The following MLC1 variants were observed in gnomAD, a reference collection of about 807,000 sequenced individuals.
The protein encoded by MLC1 is modulator of VRAC current 1, also known as membrane protein MLC1.
In MLC1, 32 loss-of-function variants were observed where a neutral mutation model predicts 44.7. That is an observed-to-expected ratio of 0.72 (90% CI 0.54 to 0.96). The LOEUF (loss-of-function observed/expected upper bound fraction) is 0.96, where lower values mean the gene tolerates loss of function less well. Among genes scored for constraint, MLC1 ranks in the 40% least tolerant of loss-of-function variants. MLC1 has a pLI of 0.00. For synonymous variants in MLC1, 190 were observed against 213.0 expected (o/e 0.89, Z 0.94); for missense variants, 459 against 492.2 (o/e 0.93, Z 0.64).
chr22:50,076,032 T>C (rs9617145), intron 7 of MLC1, among the ~76,000 whole-genome samples: 21,796 of 151,962 alleles, frequency 0.14, 1,736 homozygotes, highest in Admixed American at 0.21. Context: ...ACGGAGCCTC[T>C]GCCAATTCAA....
chr22:50,081,013 G>GAAAGAAAGAAAGAAAGAAAGAA (rs1569250786), intron 3 of MLC1, among the ~76,000 whole-genome samples: 11 of 119,592 alleles, frequency 9.2e-5, no homozygotes, highest in South Asian at 2.9e-4. Flanking sequence ...CTCAAAAAAA[G>GAAAGAAAGAAAGAAAGAAAGAA]AAAGAAAGAA....
At chr22:50,066,906 GC>G (rs143988681) in intron 10 of MLC1, among the ~76,000 whole-genome samples, 14,440 of 152,080 alleles carry the variant, frequency 0.095, 893 homozygotes, top group East Asian at 0.32. Context: ...ACAACCAGAG[GC>G]CATTAAACTT....
intron 9 of MLC1, among the ~76,000 whole-genome samples, chr22:50,069,509 G>C (rs1314494037): frequency 6.6e-6 from 1 of 151,930 alleles, no homozygotes; most frequent in Non-Finnish European, 1.5e-5. Flanking sequence ...AAGCGGGTGT[G>C]GTGGCGCATG....
intron 11 of MLC1, among the ~76,000 whole-genome samples, chr22:50,062,391 T>C (rs2061590530): frequency 6.6e-6 from 1 of 152,068 alleles, no homozygotes; most frequent in African/African-American, 2.4e-5. Flanking sequence ...TGCGTCTGAC[T>C]CTGGGCCTTG....
At chr22:50,080,291 GTCA>G (rs1194501021) in intron 4 of MLC1, 50 bp downstream of exon 4, 12 of 1,555,644 alleles carry the variant, frequency 7.7e-6, no homozygotes, top group East Asian at 4.7e-5. Context: ...CACACTGTCT[GTCA>G]GCCCCTCCGG....
At position 50,061,308 on chromosome 22, in the gene MLC1, C is replaced by T; in HGVS notation, c.*275G>A. 1.9e-6 allele frequency: 1 copy of T among 518,518 alleles called. No homozygotes were observed. Among genetic ancestry groups the T allele is most frequent in the Non-Finnish European group, 3.5e-6 (1 of 285,350 alleles). 32.1% of individuals were successfully genotyped at this position (518,518 alleles called of 1,614,324 possible). On this transcript the variant is annotated 3_prime_UTR_variant, in exon 12 of 12. Transcript: ENST00000311597. ...GGCTCTCAAGAGGCCGAGCCGGGGG[C>T]CCTTCCTCGGCCTGGGAAGTTGCGG...
chr22:50,061,476 C>A lies in MLC1; in HGVS notation c.*107G>T. ...ACCTGCAGCCTGGTTTGCCCTCACA[C>A]AAGGGAAAAGAGGTGTTAGAAGCAG... On this transcript the variant is annotated 3_prime_UTR_variant, in exon 12 of 12. Coordinates refer to ENST00000311597, the MANE Select transcript of MLC1 (RefSeq NM_015166.4). 7.9e-7 allele frequency: 1 copy of A among 1,258,884 alleles called. No individual in the cohort carries two copies. Among genetic ancestry groups the A allele is most frequent in the East Asian group, 2.3e-5 (1 of 43,224 alleles). 78.0% of individuals were successfully genotyped at this position (1,258,884 alleles called of 1,614,324 possible).
intron 8 of MLC1, among the ~76,000 whole-genome samples, chr22:50,072,492 G>A (rs2146844864): frequency 6.6e-6 from 1 of 152,296 alleles, no homozygotes; most frequent in Non-Finnish European, 1.5e-5. Context: ...GTGGATTTAG[G>A]GGCGCCCAGG....
At position 50,064,047 on chromosome 22, in the gene MLC1, C is replaced by T. The variant is rs773991414; in HGVS notation, c.1046G>A (p.Arg349His). 14 of 1,585,352 alleles carry T rather than the reference C, an allele frequency of 8.8e-6. No homozygotes were observed. The South Asian group carries it at 1.1e-4, about 13-fold the overall frequency. ...CAGGCCACTCACCTCCCCAGCCAGG[C>T]GCTCCTGCGGGCCGTTCTGGGTGTC... The part of the protein sequence containing the change: ...SWDTQNGPQE[R>H]LAGEVARSPL... The change falls in exon 11 of 12, where the codon CGC becomes CAC. Residue 349 changes from arginine (R) to histidine (H), a missense_variant. Coordinates refer to ENST00000311597, the MANE Select transcript of MLC1 (RefSeq NM_015166.4).
intron 8 of MLC1, 149 bp downstream of exon 8, chr22:50,074,066 TC>T: frequency 3.0e-6 from 2 of 671,646 alleles, no homozygotes; most frequent in Non-Finnish European, 5.5e-6. Flanking sequence ...AATCCTTAAC[TC>T]CCCAGTTCTT....
At chr22:50,082,960 C>T (rs1449424150) in intron 3 of MLC1, 124 bp downstream of exon 3, 11 of 986,376 alleles carry the variant, frequency 1.1e-5, no homozygotes, top group African/African-American at 6.4e-5. Context: ...CCACTGTGCC[C>T]GGCCCATATG....
chr22:50,077,445 T>C lies in MLC1; in HGVS notation c.481A>G (p.Ile161Val), dbSNP rs747995126. The C allele has an allele frequency of 6.2e-7, 1 of 1,613,884 alleles. No homozygotes were observed. Among genetic ancestry groups the C allele is most frequent in the Non-Finnish European group, 8.5e-7 (1 of 1,180,020 alleles). Residue 161 changes from isoleucine to valine, a missense_variant, in exon 6 of 12, where the codon ATC becomes GTC. Transcript: ENST00000311597. ...LLELLMAATVIIAARSSEEDC... is the reference protein window; with the variant it reads ...LLELLMAATVVIAARSSEEDC... Reference sequence around the variant, plus strand: ...TCCTCGCTGGACCGTGCAGCGATGATCACCGTGGCCGCCATGAGCAGCTCC... The same window carrying C: ...TCCTCGCTGGACCGTGCAGCGATGACCACCGTGGCCGCCATGAGCAGCTCC...
At position 50,083,168 on chromosome 22, in the gene MLC1, G is replaced by A. The variant is rs1436214826; in HGVS notation, c.183C>T (p.Cys61=). Residue 61 remains cysteine (C), a synonymous_variant, in exon 3 of 12, where the codon TGC becomes TGT. Coordinates refer to ENST00000311597, the MANE Select transcript of MLC1 (RefSeq NM_015166.4). This position sits in a 1 kb window ranked among gnomAD's most constrained non-coding sequence, Gnocchi z 4.6. ...TWVFSVLMGS[C]LLVTSGFSLY... is the part of the protein sequence containing the mutation. The stretch of plus-strand genomic sequence containing the variant: ...GCGAAAACCCCGAGGTCACCAGGAG[G>A]CAGCTCTGCAAGACAGCGACAGAAT... 1.2e-6 allele frequency: 2 copies of A among 1,613,854 alleles called. No individual in the cohort carries two copies. The highest frequency in any genetic ancestry group is 3.3e-5 in the Admixed American group (2 of 59,990).
At chr22:50,068,409 G>C (rs753948956) in intron 10 of MLC1, 24 bp downstream of exon 10, 1 of 1,611,778 alleles carries the variant, frequency 6.2e-7, no homozygotes, top group Non-Finnish European at 8.5e-7. Context: ...TGTCTGGGGG[G>C]CTCTGAAATA....
At chr22:50,076,530 G>A (rs1463426412) in intron 7 of MLC1, among the ~76,000 whole-genome samples, 3 of 151,954 alleles carry the variant, frequency 2.0e-5, no homozygotes, top group African/African-American at 7.3e-5. Flanking sequence ...ACCCCAGCCT[G>A]GCTGATGGAG....
At chr22:50,076,061 G>A (rs1357993602) in intron 7 of MLC1, among the ~76,000 whole-genome samples, 1 of 151,874 alleles carries the variant, frequency 6.6e-6, no homozygotes, top group African/African-American at 2.4e-5. Context: ...AGGGAAGGAG[G>A]GAAAAAGGCA....
At position 50,083,195 on chromosome 22, in the gene MLC1, C is replaced by T; in HGVS notation, c.178-22G>A. The T allele has an allele frequency of 1.2e-6, 2 of 1,608,056 alleles. No individual in the cohort carries two copies. The highest frequency in any genetic ancestry group is 1.7e-6 in the Non-Finnish European group (2 of 1,174,660). Reference sequence around the variant, plus strand: ...AGCTCTGCAAGACAGCGACAGAATCCCAGGTTACAACGCGCCCCGTCCCCA... The same window carrying T: ...AGCTCTGCAAGACAGCGACAGAATCTCAGGTTACAACGCGCCCCGTCCCCA... On this transcript the variant is annotated intron_variant, in intron 2 of 11. Transcript: ENST00000311597. This position sits in a 1 kb window ranked among gnomAD's most constrained non-coding sequence, Gnocchi z 4.6.
intron 11 of MLC1, among the ~76,000 whole-genome samples, chr22:50,063,290 T>C (rs1003349274): frequency 2.0e-5 from 3 of 151,734 alleles, no homozygotes; most frequent in South Asian, 2.1e-4. Flanking sequence ...CTAACCAACA[T>C]AGTGAAACCC....
rs746157375 is a variant in MLC1, at chr22:50,080,410, C to A, written c.268-13G>T. The A allele has an allele frequency of 1.7e-5, 27 of 1,598,756 alleles. No homozygotes were observed. In the South Asian group the frequency reaches 2.8e-4, roughly 17 times the overall value. On this transcript the variant is annotated splice_polypyrimidine_tract_variant and intron_variant, in intron 3 of 11. Coordinates refer to ENST00000311597, the MANE Select transcript of MLC1 (RefSeq NM_015166.4). ...CCGAGGGGATGCACTGGAATGAAAC[C>A]GGAATCCCATGAGCCTGCCGCTCAC...
Sources: allele counts gnomAD v4.1 joint callset (sites outside exome capture counted in the v4.1 genomes callset), GRCh38; gene constraint gnomAD v4.1.1; non-coding constraint Gnocchi (gnomAD v3.1); transcripts MANE v1.5; gene names NCBI Gene and HGNC (gene_info 2026-07-23, HGNC 2026-07-21).